The following STXBP5L variants were observed in gnomAD, a reference collection of about 807,000 sequenced individuals.
The protein encoded by STXBP5L is syntaxin-binding protein 5-like.
In STXBP5L, 65 loss-of-function variants were observed where a neutral mutation model predicts 144.5. The observed-to-expected ratio is 0.45, with a 90% CI of 0.37 to 0.55. STXBP5L has a LOEUF of 0.55. STXBP5L is among the 20% of genes least tolerant of loss of function. The pLI is 0.00. For missense variants in STXBP5L, 1,298 were observed against 1,405.5 expected, an observed-to-expected ratio of 0.92 and a Z score of 1.22; for synonymous variants, 505 against 469.6, an observed-to-expected ratio of 1.08 and a Z score of -0.97.
intron 2 of STXBP5L, among the ~76,000 whole-genome samples, chr3:120,928,482 C>T (rs896036773): frequency 1.2e-4 from 18 of 152,124 alleles, no homozygotes; most frequent in Non-Finnish European, 2.2e-4. Flanking sequence ...AGGCTGCTCT[C>T]GAACTCCTGA....
intron 7 of STXBP5L, among the ~76,000 whole-genome samples, chr3:121,138,701 T>C (rs1267560444): frequency 1.3e-5 from 2 of 152,046 alleles, no homozygotes; most frequent in Non-Finnish European, 2.9e-5. Flanking sequence ...AAACTGTATA[T>C]GCATATGTGG....
At chr3:121,045,073 G>A (rs569559136) in intron 4 of STXBP5L, among the ~76,000 whole-genome samples, 1 of 152,002 alleles carries the variant, frequency 6.6e-6, no homozygotes, top group African/African-American at 2.4e-5. Context: ...TTTCTTCTCT[G>A]TAAGGCTATA....
At chr3:121,191,301 G>A (rs1246629801) in intron 9 of STXBP5L, among the ~76,000 whole-genome samples, 3 of 152,218 alleles carry the variant, frequency 2.0e-5, no homozygotes, top group Non-Finnish European at 4.4e-5. Context: ...ACCTCGGGAG[G>A]CTGAGGCTGG....
intron 20 of STXBP5L, among the ~76,000 whole-genome samples, chr3:121,344,956 TAA>T (rs914733315): frequency 5.3e-5 from 8 of 149,900 alleles, no homozygotes; most frequent in Admixed American, 2.0e-4. Context: ...ATTATATATA[TAA>T]GATTATATAT....
At chr3:121,386,720 C>T (rs565767031) in intron 22 of STXBP5L, among the ~76,000 whole-genome samples, 2 of 152,262 alleles carry the variant, frequency 1.3e-5, no homozygotes, top group African/African-American at 4.8e-5. Context: ...AATGTCCCTG[C>T]AAAGGACATG....
At chr3:120,963,651 A>T (rs1414587436) in intron 3 of STXBP5L, among the ~76,000 whole-genome samples, 2 of 152,078 alleles carry the variant, frequency 1.3e-5, no homozygotes, top group Non-Finnish European at 2.9e-5. Flanking sequence ...AAGCTTTTTG[A>T]TGTGCTGCTG....
At chr3:121,354,761 T>C (rs1339719955) in intron 20 of STXBP5L, among the ~76,000 whole-genome samples, 1 of 152,160 alleles carries the variant, frequency 6.6e-6, no homozygotes, top group East Asian at 1.9e-4. Flanking sequence ...TTTTGCCCGT[T>C]AACTGATGCA....
intron 22 of STXBP5L, among the ~76,000 whole-genome samples, chr3:121,406,487 C>T (rs2046995963): frequency 6.6e-6 from 1 of 151,992 alleles, no homozygotes; most frequent in Non-Finnish European, 1.5e-5. Flanking sequence ...ATCCAAAGAT[C>T]AATAGAGCCC....
chr3:120,988,671 A>C (rs541974745), intron 3 of STXBP5L, among the ~76,000 whole-genome samples: 1 of 152,214 alleles, frequency 6.6e-6, no homozygotes, highest in African/African-American at 2.4e-5. Context: ...TTTCTTTAAA[A>C]AATTTTTTTA....
chr3:121,391,094 CT>C (rs2046572395), intron 22 of STXBP5L, among the ~76,000 whole-genome samples: 1 of 152,020 alleles, frequency 6.6e-6, no homozygotes, highest in African/African-American at 2.4e-5. Context: ...TTTTACTTTT[CT>C]TTCTCTACCT....
intron 18 of STXBP5L, among the ~76,000 whole-genome samples, chr3:121,263,727 A>G (rs902501050): frequency 2.6e-5 from 4 of 152,196 alleles, no homozygotes; most frequent in African/African-American, 9.6e-5. Context: ...TTGAAGATCA[A>G]CTTAATGAAA....
chr3:121,311,970 G>T (rs2043544730), intron 19 of STXBP5L, among the ~76,000 whole-genome samples: 1 of 152,132 alleles, frequency 6.6e-6, no homozygotes, highest in Non-Finnish European at 1.5e-5. Flanking sequence ...AACCAAAACA[G>T]CATGGTACTG....
chr3:121,105,083 A>G (rs1424240889), intron 5 of STXBP5L, among the ~76,000 whole-genome samples: 1 of 152,190 alleles, frequency 6.6e-6, no homozygotes, highest in Non-Finnish European at 1.5e-5. Flanking sequence ...GGCTAAGGAC[A>G]TGAATAGACA....
chr3:120,981,099 T>C (rs867811816), intron 3 of STXBP5L, among the ~76,000 whole-genome samples: 19 of 152,178 alleles, frequency 1.2e-4, no homozygotes, highest in Non-Finnish European at 1.5e-4. Flanking sequence ...ATTTCCTTCA[T>C]AGCTGATTAG....
chr3:121,189,964 A>T (rs2047571950), intron 9 of STXBP5L, among the ~76,000 whole-genome samples: 1 of 152,084 alleles, frequency 6.6e-6, no homozygotes, highest in South Asian at 2.1e-4. Context: ...AGTGTAATCG[A>T]TTATATCTTT....
At chr3:121,121,564 A>G in intron 6 of STXBP5L, 77 bp from the exon 7 acceptor site, 1 of 1,042,130 alleles carries the variant, frequency 9.6e-7, no homozygotes, top group Non-Finnish European at 1.4e-6. Context: ...TGTAATCTTA[A>G]TTTCTTTGTT....
intron 20 of STXBP5L, among the ~76,000 whole-genome samples, chr3:121,348,679 G>T (rs2045119652): frequency 6.6e-6 from 1 of 152,036 alleles, no homozygotes; most frequent in East Asian, 1.9e-4. Flanking sequence ...TCCTGGTTTA[G>T]TCTTGGGAGG....
intron 19 of STXBP5L, among the ~76,000 whole-genome samples, chr3:121,295,956 A>T (rs544000731): frequency 6.6e-6 from 1 of 152,340 alleles, no homozygotes; most frequent in South Asian, 2.1e-4. Flanking sequence ...GTTATTACTT[A>T]AAGTACTATC....
intron 10 of STXBP5L, among the ~76,000 whole-genome samples, chr3:121,208,091 C>A (rs2048409842): frequency 6.6e-6 from 1 of 152,130 alleles, no homozygotes; most frequent in Non-Finnish European, 1.5e-5. Flanking sequence ...CCCAAATGTC[C>A]ATCAGTGATA....
Sources: allele counts gnomAD v4.1 joint callset (sites outside exome capture counted in the v4.1 genomes callset), GRCh38; gene constraint gnomAD v4.1.1; transcripts MANE v1.5; gene names NCBI Gene and HGNC (gene_info 2026-07-23, HGNC 2026-07-21).